The following PHF7 variants were observed in gnomAD, a reference collection of about 807,000 sequenced individuals.
PHF7 encodes the protein E3 ubiquitin-protein ligase PHF7.
PHF7 carries 24 observed loss-of-function variants against 47.5 expected under a neutral mutation model. The ratio of observed to expected loss-of-function variants is 0.51; its 90% CI spans 0.37 to 0.71. PHF7 has a LOEUF of 0.71. Ranked by LOEUF, PHF7 falls within the 30% of genes least tolerant of loss-of-function variation. PHF7 has a pLI of 0.00. For synonymous variants in PHF7, 156 were observed against 153.8 expected (o/e 1.01, Z -0.11); for missense variants, 361 against 456.8 (o/e 0.79, Z 1.91).
intron 5 of PHF7, 98 bp from the exon 6 acceptor site, chr3:52,420,213 A>C (rs778587370): frequency 2.0e-5 from 27 of 1,339,250 alleles, no homozygotes; most frequent in Non-Finnish European, 2.9e-5. Flanking sequence ...GGGAATGGCT[A>C]TTATTTCACA....
At chr3:52,421,445 C>T (rs533991636) in intron 7 of PHF7, among the ~76,000 whole-genome samples, 2 of 152,318 alleles carry the variant, frequency 1.3e-5, no homozygotes, top group East Asian at 1.9e-4. Flanking sequence ...AGCTGAGGCA[C>T]TCCTGGGAAT....
rs1472898062 is a variant in PHF7 at position 52,422,745 on chromosome 3, G to T, written c.798-15G>T. 4 of 1,613,764 alleles carry T rather than the reference G, an allele frequency of 2.5e-6. No individual in the cohort carries two copies. Among genetic ancestry groups the T allele is most frequent in the Non-Finnish European group, 3.4e-6 (4 of 1,179,858 alleles). On this transcript the variant is annotated splice_polypyrimidine_tract_variant and intron_variant, in intron 9 of 10. Transcript: ENST00000327906. ...TCTGTATGTCTCCACAACCCTTCCT[G>T]GGCTCTTCCTCTAGGAGGTGGTGCC...
chr3:52,422,429 C>A, intron 9 of PHF7, 91 bp downstream of exon 9: 1 of 873,616 alleles, frequency 1.1e-6, no homozygotes, highest in South Asian at 1.3e-5. Flanking sequence ...GAAATTCACT[C>A]TTGTATGCAG....
Position 52,421,787 on chromosome 3 carries a change from G to A in PHF7, c.680+33G>A, listed in dbSNP as rs762446083. The A allele has an allele frequency of 5.2e-6, 6 of 1,159,896 alleles. No homozygotes were observed. The South Asian group carries it at 7.4e-5, about 14-fold the overall frequency. The allele number at this position is 1,159,896 out of a possible 1,614,324, so 71.9% of individuals were successfully genotyped here. A position where few individuals can be genotyped will look rare whatever the true frequency, so the allele number is the denominator to read the frequency against. On this transcript the variant is annotated intron_variant, in intron 8 of 10. Coordinates refer to ENST00000327906, the MANE Select transcript of PHF7 (RefSeq NM_016483.7). ...GAACCCCAAAGCAGGAACTGAGCCA[G>A]GGAGTGGGTTGCCTAGATTTCTAGA... is the stretch of plus-strand genomic sequence containing the variant.
chr3:52,419,279 A>G lies in PHF7; in HGVS notation c.187-554A>G, dbSNP rs553308175. Among the ~76,000 whole-genome samples the G allele has an allele frequency of 2.6e-5, 4 of 152,278 alleles. No individual in the cohort carries two copies. In the South Asian group the frequency reaches 8.3e-4, roughly 32 times the overall value. ...TCATCTCTCCTATAAAATGAGGACA[A>G]TAATAGTACCTACCTCCTAGGGCTG... On this transcript the variant is annotated intron_variant, in intron 4 of 10. Coordinates refer to ENST00000327906, the MANE Select transcript of PHF7 (RefSeq NM_016483.7).
intron 10 of PHF7, 100 bp from the exon 11 acceptor site, chr3:52,422,991 C>T (rs1415659899): frequency 2.0e-6 from 3 of 1,533,290 alleles, no homozygotes; most frequent in South Asian, 2.3e-5. Context: ...ATAGTTGGTG[C>T]CTTTGACTTT....
Position 52,421,643 on chromosome 3 carries a change from T to C in PHF7, c.574-5T>C. On this transcript the variant is annotated splice_polypyrimidine_tract_variant and splice_region_variant and intron_variant, in intron 7 of 10. Coordinates refer to ENST00000327906, the MANE Select transcript of PHF7 (RefSeq NM_016483.7). ...ACACAGAGCTCTTCCCTGTTTCTCTTACAGAAATATGCCCACACATCAGCA... is the reference window on the plus strand; with the variant it reads ...ACACAGAGCTCTTCCCTGTTTCTCTCACAGAAATATGCCCACACATCAGCA... The C allele has an allele frequency of 1.9e-6, 3 of 1,556,566 alleles. No individual in the cohort carries two copies. Among genetic ancestry groups the C allele is most frequent in the Non-Finnish European group, 2.7e-6 (3 of 1,127,574 alleles).
In PHF7 at chr3:52,422,306, T is replaced by C. The variant is rs72959348; in HGVS notation, c.765T>C (p.Tyr255=). The C allele has an allele frequency of 5.9e-4, 955 of 1,613,356 alleles. 3 individuals are homozygous for C. The African/African-American group carries it at 0.012, about 20-fold the overall frequency. ...ACTGTGATGCCCCCATCTGTCTGTA[T>C]GAACAAGGCAGAGACAGCTTTGAGG... ...YQHCDAPICL[Y]EQGRDSFEDE... is the part of the protein sequence containing the mutation. Residue 255 remains tyrosine (Y), a synonymous_variant, in exon 9 of 11, where the codon TAT becomes TAC. Transcript: ENST00000327906.
rs879372645 is a variant in PHF7 at position 52,422,279 on chromosome 3, G to A, written c.738G>A (p.Gln246=). 10 of 1,614,056 alleles carry A rather than the reference G, an allele frequency of 6.2e-6. No individual in the cohort carries two copies. The highest frequency in any genetic ancestry group is 1.1e-5 in the South Asian group (1 of 91,086). The change falls in exon 9 of 11, where the codon CAG becomes CAA. Residue 246 remains glutamine, a synonymous_variant. Transcript: ENST00000327906. Reference sequence around the variant, plus strand: ...TCTCAGACTTATATCAGCGCTATCAGCACTGTGATGCCCCCATCTGTCTGT... The same window carrying A: ...TCTCAGACTTATATCAGCGCTATCAACACTGTGATGCCCCCATCTGTCTGT... The part of the protein sequence containing the change: ...GAFSDLYQRY[Q]HCDAPICLYE...
chr3:52,422,380 T>C, intron 9 of PHF7, 42 bp downstream of exon 9: 4 of 1,229,148 alleles, frequency 3.3e-6, no homozygotes, highest in Non-Finnish European at 4.8e-6. Context: ...TCATCAGTGC[T>C]ATCTTAGAGT....
At chr3:52,417,413 TC>T (rs1225987935) in intron 4 of PHF7, among the ~76,000 whole-genome samples, 1 of 152,230 alleles carries the variant, frequency 6.6e-6, no homozygotes, top group Non-Finnish European at 1.5e-5. Flanking sequence ...AACCTTCCAA[TC>T]CATGGACATG....
At chr3:52,422,970 G>A in intron 10 of PHF7, 89 bp downstream of exon 10, 1 of 1,561,250 alleles carries the variant, frequency 6.4e-7, no homozygotes, top group African/African-American at 1.4e-5. Context: ...CATCCCACCA[G>A]AGGGGGATTA....
At position 52,423,313 on chromosome 3, in the gene PHF7, A is replaced by C; in HGVS notation, c.1142A>C (p.Lys381Thr). 1.2e-6 allele frequency: 2 copies of C among 1,602,928 alleles called. No homozygotes were observed. Among genetic ancestry groups the C allele is most frequent in the Non-Finnish European group, 1.7e-6 (2 of 1,170,042 alleles). ...ATCACTAACAGCTGCAAAAAATCCAAGTAACACCTTCTGAGTAGCTGCTGT... is the reference window on the plus strand; with the variant it reads ...ATCACTAACAGCTGCAAAAAATCCACGTAACACCTTCTGAGTAGCTGCTGT... ...VRITNSCKKS[K>T] The change falls in exon 11 of 11, where the codon AAG becomes ACG. Residue 381 changes from lysine to threonine, a missense_variant. By Grantham distance (78) the Lys-to-Thr change is moderately conservative (BLOSUM62 -1). Transcript: ENST00000327906.
chr3:52,422,059 C>T, intron 8 of PHF7, 163 bp from the exon 9 acceptor site: 2 of 675,228 alleles, frequency 3.0e-6, no homozygotes, highest in South Asian at 3.3e-5. Context: ...CTGCTTCAAC[C>T]CTCTCCCACT....
Position 52,414,042 on chromosome 3 carries a change from G to T in PHF7, c.88G>T (p.Gly30Trp). ...GGTAACCCAGAGGAAACCGTCTTCA[G>T]GGCCTGGTAAGAAAGACTGGAGCTT... Reference protein sequence around the residue: ...RRVTQRKPSSGPVCWLCLREP... With the variant: ...RRVTQRKPSSWPVCWLCLREP... The change falls in exon 3 of 11, where the codon GGG becomes TGG. Residue 30 changes from glycine to tryptophan, a missense_variant. Coordinates refer to ENST00000327906, the MANE Select transcript of PHF7 (RefSeq NM_016483.7). The T allele has an allele frequency of 1.2e-6, 2 of 1,610,784 alleles. No homozygotes were observed. Among genetic ancestry groups the T allele is most frequent in the Non-Finnish European group, 8.5e-7 (1 of 1,176,988 alleles).
chr3:52,418,236 C>A (rs568162232), intron 4 of PHF7, among the ~76,000 whole-genome samples: 1 of 152,210 alleles, frequency 6.6e-6, no homozygotes, highest in South Asian at 2.1e-4. Flanking sequence ...TCTTGTAAGT[C>A]CTATCAGGTG....
In PHF7 at chr3:52,421,698, C is replaced by T. The variant is rs1217680841; in HGVS notation, c.624C>T (p.Asn208=). ...ATTTCTTCAAATGTCCACAGTGTAA[C>T]AATCGAAAAGAGTTTCCTCAAGAAA... ...AKHFFKCPQC[N]NRKEFPQEML... Residue 208 remains asparagine (N), a synonymous_variant, in exon 8 of 11, where the codon AAC becomes AAT. Coordinates refer to ENST00000327906, the MANE Select transcript of PHF7 (RefSeq NM_016483.7). 3.1e-6 allele frequency: 5 copies of T among 1,609,898 alleles called. No homozygotes were observed. In the South Asian group the frequency reaches 4.4e-5, roughly 14 times the overall value.
chr3:52,414,528 C>T lies in PHF7; in HGVS notation c.127C>T (p.Pro43Ser), dbSNP rs368725467. 3 of 1,612,880 alleles carry T rather than the reference C, an allele frequency of 1.9e-6. No individual in the cohort carries two copies. The highest frequency in any genetic ancestry group is 2.5e-6 in the Non-Finnish European group (3 of 1,179,292). The change falls in exon 4 of 11, where the codon CCC (proline) becomes TCC (serine). Residue 43 changes from proline to serine, a missense_variant. Transcript: ENST00000327906. ...CWLCLREPGD[P>S]EKLGEFLQKD... The stretch of plus-strand genomic sequence containing the variant: ...GCTATGCCTTCGAGAACCTGGGGAT[C>T]CCGAAAAATTAGGGGAATTTCTTCA...
rs774951214 is a variant in PHF7, at chr3:52,421,602, C to CA, written c.574-43dup. Reference sequence around the variant, plus strand: ...AGGGTGGGAGGAGAAAGAAGGTAGTCAAAGGGTTTTTACAAACACAGAGCT... The same window carrying CA: ...AGGGTGGGAGGAGAAAGAAGGTAGTCAAAAGGGTTTTTACAAACACAGAGCT... On this transcript the variant is annotated intron_variant, in intron 7 of 10. Coordinates refer to ENST00000327906, the MANE Select transcript of PHF7 (RefSeq NM_016483.7). The CA allele has an allele frequency of 6.4e-6, 7 of 1,097,526 alleles. No homozygotes were observed. In the African/African-American group the frequency reaches 1.1e-4, roughly 17 times the overall value. 68.0% of individuals were successfully genotyped at this position (1,097,526 alleles called of 1,614,324 possible).
Sources: allele counts gnomAD v4.1 joint callset (sites outside exome capture counted in the v4.1 genomes callset), GRCh38; gene constraint gnomAD v4.1.1; transcripts MANE v1.5; gene names NCBI Gene and HGNC (gene_info 2026-07-23, HGNC 2026-07-21).